The following LPA variants were observed in gnomAD, a reference collection of about 807,000 sequenced individuals.
LPA encodes lipoprotein(a), also known as apolipoprotein(a).
A neutral mutation model predicts 197.9 loss-of-function variants in LPA; 199 were observed. That is an observed-to-expected ratio of 1.01 (90% CI 0.90 to 1.13). The LOEUF (loss-of-function observed/expected upper bound fraction) is 1.13, where lower values mean the gene tolerates loss of function less well. Among genes scored for constraint, LPA ranks in the 50% most tolerant of loss-of-function variants. The pLI, the probability that LPA is intolerant of heterozygous loss-of-function variation, is 0.00. For missense variants in LPA, 1,853 were observed against 1,785.8 expected, an observed-to-expected ratio of 1.04 and a Z score of -0.68; for synonymous variants, 715 against 639.5, an observed-to-expected ratio of 1.12 and a Z score of -1.78.
At chr6:160,534,093 GA>G (rs1252201950) in intron 37 of LPA, among the ~76,000 whole-genome samples, 1 of 152,152 alleles carries the variant, frequency 6.6e-6, no homozygotes, top group Non-Finnish European at 1.5e-5. Flanking sequence ...TTCGGTGTCA[GA>G]AAACTGACAC....
In LPA at chr6:160,556,122, C is replaced by T. The variant is rs1261635697; in HGVS notation, c.4876G>A (p.Gly1626Ser). Residue 1626 changes from glycine (G) to serine (S), a missense_variant, in exon 30 of 39, where the codon GGC becomes AGC. Transcript: ENST00000316300. ...CCTGTGACAGTGGTGGAGAATGTGC[C>T]TCGATAACTCTGGCCATTACCATGG... is the stretch of plus-strand genomic sequence containing the variant. Reference protein sequence around the residue: ...CYHGNGQSYRGTFSTTVTGRT... With the variant: ...CYHGNGQSYRSTFSTTVTGRT... The T allele has an allele frequency of 2.5e-6, 4 of 1,613,850 alleles. No individual in the cohort carries two copies. The highest frequency in any genetic ancestry group is 3.4e-6 in the Non-Finnish European group (4 of 1,179,968).
chr6:160,577,523 T>A (rs756666031), intron 27 of LPA, among the ~76,000 whole-genome samples: 6 of 152,192 alleles, frequency 3.9e-5, no homozygotes, highest in Non-Finnish European at 5.9e-5. Context: ...CAGAGGAGAA[T>A]GCTGGACATT....
At chr6:160,559,239 G>A (rs1163780731) in intron 28 of LPA, among the ~76,000 whole-genome samples, 2 of 152,134 alleles carry the variant, frequency 1.3e-5, no homozygotes, top group African/African-American at 4.8e-5. Context: ...ACAGAAATTA[G>A]TTTTTCCTCT....
Position 160,547,904 on chromosome 6 carries a change from C to G in LPA, c.5189G>C (p.Gly1730Ala). 1 of 1,614,040 alleles carries G rather than the reference C, an allele frequency of 6.2e-7. No homozygotes were observed. The change falls in exon 32 of 39, where the codon GGC becomes GCC. Residue 1730 changes from glycine to alanine, a missense_variant. Coordinates refer to ENST00000316300, the MANE Select transcript of LPA (RefSeq NM_005577.4). Reference protein sequence around the residue: ...CMFGNGKGYRGKKATTVTGTP... With the variant: ...CMFGNGKGYRAKKATTVTGTP... ...CCCAGTAACAGTGGTTGCCTTCTTG[C>G]CCCGGTATCCTTTCCCATTCCCAAA...
intron 2 of LPA, among the ~76,000 whole-genome samples, chr6:160,647,728 G>C (rs1452778455): frequency 6.6e-6 from 1 of 152,052 alleles, no homozygotes; most frequent in African/African-American, 2.4e-5. Flanking sequence ...AACTTACAGT[G>C]GTACACTTCC....
intron 14 of LPA, among the ~76,000 whole-genome samples, chr6:160,615,369 T>TGTGG (rs1779577123): frequency 7.2e-6 from 1 of 138,198 alleles, no homozygotes; most frequent in African/African-American, 2.8e-5. Flanking sequence ...TGTGTGTGTG[T>TGTGG]GTGTGTGTGT....
chr6:160,600,195 G>A (rs975898483), intron 19 of LPA, among the ~76,000 whole-genome samples: 4 of 152,108 alleles, frequency 2.6e-5, no homozygotes, highest in Non-Finnish European at 5.9e-5. Flanking sequence ...CACTTCTCAG[G>A]GATGAGTGGA....
chr6:160,590,914 G>T, intron 23 of LPA, 30 bp downstream of exon 23: 7 of 1,613,700 alleles, frequency 4.3e-6, no homozygotes, highest in Non-Finnish European at 5.9e-6. Context: ...AACGTCCAAG[G>T]GTGTGGTTGT....
chr6:160,591,187 G>A, intron 22 of LPA, 86 bp from the exon 23 acceptor site: 1 of 1,526,130 alleles, frequency 6.6e-7, no homozygotes, highest in South Asian at 1.2e-5. Flanking sequence ...TTGTAACAAA[G>A]TGGTAAAAAG....
intron 24 of LPA, among the ~76,000 whole-genome samples, chr6:160,587,793 G>T (rs753253499): frequency 0.032 from 4,146 of 128,356 alleles, 134 homozygotes; most frequent in African/African-American, 0.076. Flanking sequence ...GTGTGTGTGT[G>T]TGTGTGTTTC....
At position 160,557,606 on chromosome 6, in the gene LPA, C is replaced by T. The variant is rs115758656; in HGVS notation, c.4632-35G>A. ...CCAAAACAACACAGGTCACAAGAGG[C>T]GGGAAAAAATTCAGGGGCACCCAGC... is the stretch of plus-strand genomic sequence containing the variant. On this transcript the variant is annotated intron_variant, in intron 28 of 38. Coordinates refer to ENST00000316300, the MANE Select transcript of LPA (RefSeq NM_005577.4). 1,084 of 1,607,378 alleles carry T rather than the reference C, an allele frequency of 6.7e-4. 5 individuals carry two copies. The African/African-American group carries it at 0.013, about 19-fold the overall frequency.
intron 16 of LPA, among the ~76,000 whole-genome samples, chr6:160,607,292 A>G (rs778381388): frequency 3.3e-5 from 5 of 152,074 alleles, no homozygotes; most frequent in Non-Finnish European, 7.3e-5. Flanking sequence ...TTTCTGCAAG[A>G]CTTCTCAAAG....
At chr6:160,542,939 A>G (rs1303279829) in intron 33 of LPA, 131 bp from the exon 34 acceptor site, 25 of 1,251,982 alleles carry the variant, frequency 2.0e-5, no homozygotes, top group Non-Finnish European at 2.5e-5. Context: ...AATCATAAAC[A>G]CTCTTTAGAT....
chr6:160,576,369 T>C (rs1186303029), intron 28 of LPA, among the ~76,000 whole-genome samples: 643 of 11,092 alleles, frequency 0.058, 3 homozygotes, highest in Middle Eastern at 0.1. Flanking sequence ...TATATATACA[T>C]ATATATATAT....
intron 34 of LPA, 35 bp from the exon 35 acceptor site, chr6:160,541,216 T>C: frequency 6.8e-7 from 1 of 1,465,092 alleles, no homozygotes; most frequent in Non-Finnish European, 9.6e-7. Flanking sequence ...TTGGTCAAAT[T>C]GGATGGTTTG....
intron 36 of LPA, 70 bp from the exon 37 acceptor site, chr6:160,538,031 C>A: frequency 7.4e-7 from 1 of 1,358,898 alleles, no homozygotes; most frequent in Non-Finnish European, 1.0e-6. Flanking sequence ...AACCAGGCAT[C>A]CCTGCCTTGA....
chr6:160,559,905 A>G (rs1778333129), intron 28 of LPA, among the ~76,000 whole-genome samples: 1 of 152,186 alleles, frequency 6.6e-6, no homozygotes, highest in African/African-American at 2.4e-5. Flanking sequence ...CCCATCATCT[A>G]CATTAGGTAT....
intron 1 of LPA, among the ~76,000 whole-genome samples, chr6:160,653,974 AATATATAATATATAATATATATT>A (rs1562354432): frequency 0.055 from 895 of 16,244 alleles, 90 homozygotes; most frequent in African/African-American, 0.17. Context: ...TATTATATAT[AATATATAATATATAATATATATT>A]ATATATAATA....
intron 26 of LPA, among the ~76,000 whole-genome samples, chr6:160,579,865 C>T (rs1778757309): frequency 6.6e-6 from 1 of 152,174 alleles, no homozygotes; most frequent in Non-Finnish European, 1.5e-5. Flanking sequence ...GAAACAGATA[C>T]CTGCTCTGTT....
Sources: gnomAD v4.1 joint callset for allele counts (sites outside exome capture counted in the v4.1 genomes callset) on GRCh38, gnomAD v4.1.1 for gene constraint, MANE v1.5 for transcripts, NCBI Gene and HGNC (gene_info 2026-07-23, HGNC 2026-07-21) for gene names.